The following FUBP1 variants were observed in gnomAD, a reference collection of about 807,000 sequenced individuals.
FUBP1 encodes far upstream element binding protein 1.
A neutral mutation model predicts 94.9 loss-of-function variants in FUBP1; 16 were observed. The observed-to-expected ratio is 0.17, with a 90% CI of 0.11 to 0.26. FUBP1 has a LOEUF of 0.26. Ranked by LOEUF, FUBP1 falls within the 10% of genes least tolerant of loss-of-function variation. FUBP1 has a pLI of 1.00. For missense variants in FUBP1, 583 were observed against 808.6 expected (o/e 0.72, Z 3.38); for synonymous variants, 279 against 254.9 (o/e 1.09, Z -0.90).
chr1:77,959,961 A>T (rs1198687822), intron 16 of FUBP1, among the ~76,000 whole-genome samples: 1 of 152,230 alleles, frequency 6.6e-6, no homozygotes, highest in Non-Finnish European at 1.5e-5. Flanking sequence ...ATTCTACTGT[A>T]TCAACTCATA....
chr1:77,962,859 T>C lies in FUBP1; in HGVS notation c.1255A>G (p.Asn419Asp). ...RIELQRNPPP[N>D]ADPNMKLFTI... ...AATAACTTCATATTAGGATCTGCAT[T>C]TGGTGGAGGATTTCTCTGAAGTTCT... Residue 419 changes from asparagine (N) to aspartate (D), a missense_variant, in exon 14 of 20, where the codon AAT becomes GAT. Transcript: ENST00000370768. The C allele has an allele frequency of 6.2e-7, 1 of 1,612,114 alleles. No individual in the cohort carries two copies. Among genetic ancestry groups the C allele is most frequent in the Non-Finnish European group, 8.5e-7 (1 of 1,178,182 alleles).
rs1004626505 is a variant in FUBP1, at chr1:77,945,751, A to G, written c.*3015T>C. 2.7e-4 allele frequency: 58 copies of G among 213,418 alleles called. No individual in the cohort carries two copies. The highest frequency in any genetic ancestry group is 1.2e-3 in the African/African-American group (53 of 44,452). The allele number at this position is 213,418 out of a possible 1,614,324, so 13.2% of individuals were successfully genotyped here. ...TTTAGAAATCGAATAAACAAAACTG[A>G]TAAGATGCTGCTTTCATACATTCAA... On this transcript the variant is annotated 3_prime_UTR_variant, in exon 20 of 20. Transcript: ENST00000370768.
At position 77,947,945 on chromosome 1, in the gene FUBP1, TG is replaced by T; in HGVS notation, c.*820del. The T allele has an allele frequency of 9.9e-7, 1 of 1,010,286 alleles. No individual in the cohort carries two copies. The highest frequency in any genetic ancestry group is 1.7e-5 in the African/African-American group (1 of 58,854). 62.6% of individuals were successfully genotyped at this position (1,010,286 alleles called of 1,614,324 possible). ...AGAGTTGCTTCACATGGAAAAAAAC[TG>T]TTCTTATTAGACTACTCATATTCAC... On this transcript the variant is annotated 3_prime_UTR_variant, in exon 20 of 20. Coordinates refer to ENST00000370768, the MANE Select transcript of FUBP1 (RefSeq NM_003902.5).
intron 1 of FUBP1, among the ~76,000 whole-genome samples, chr1:77,973,708 A>T (rs1045386970): frequency 6.6e-6 from 1 of 151,082 alleles, no homozygotes; most frequent in Non-Finnish European, 1.5e-5. Context: ...TTGGGAGTTG[A>T]AAAGAAACTT....
At position 77,948,340 on chromosome 1, in the gene FUBP1, T is replaced by C. The variant is rs1652620135; in HGVS notation, c.*426A>G. 1 of 1,053,908 alleles carries C rather than the reference T, an allele frequency of 9.5e-7. No individual in the cohort carries two copies. The highest frequency in any genetic ancestry group is 1.6e-5 in the African/African-American group (1 of 60,832). The allele number at this position is 1,053,908 out of a possible 1,614,324, so 65.3% of individuals were successfully genotyped here. A position where few individuals can be genotyped will look rare whatever the true frequency, so the allele number is the denominator to read the frequency against. ...CTTATATATTTGTGTATATGTATCT[T>C]AATTTATCATTGCTAAGAAATTATG... On this transcript the variant is annotated 3_prime_UTR_variant, in exon 20 of 20. Coordinates refer to ENST00000370768, the MANE Select transcript of FUBP1 (RefSeq NM_003902.5).
chr1:77,975,902 A>G (rs1374789098), intron 1 of FUBP1, among the ~76,000 whole-genome samples: 1 of 152,226 alleles, frequency 6.6e-6, no homozygotes, highest in African/African-American at 2.4e-5. Context: ...ATTGGCAACT[A>G]AATGACCAGA....
At chr1:77,974,143 T>G (rs1215493855) in intron 1 of FUBP1, among the ~76,000 whole-genome samples, 1 of 149,726 alleles carries the variant, frequency 6.7e-6, no homozygotes, top group Non-Finnish European at 1.5e-5. Context: ...GGTTTTTTTT[T>G]TTTTTTTTTT....
chr1:77,949,382 C>T, intron 18 of FUBP1, 82 bp from the exon 19 acceptor site: 1 of 1,101,950 alleles, frequency 9.1e-7, no homozygotes, highest in Non-Finnish European at 1.3e-6. Context: ...TACCTTGCTT[C>T]TTGTAATATT....
intron 18 of FUBP1, among the ~76,000 whole-genome samples, chr1:77,954,680 T>G (rs1007282096): frequency 6.6e-6 from 1 of 152,210 alleles, no homozygotes; most frequent in East Asian, 1.9e-4. Flanking sequence ...CAATTTAGCT[T>G]TCATTTGTGA....
chr1:77,949,228 T>C lies in FUBP1; in HGVS notation c.1853A>G (p.Tyr618Cys). Residue 618 changes from tyrosine to cysteine, a missense_variant, in exon 19 of 20, where the codon TAT (tyrosine) becomes TGT (cysteine). Tyr to Cys is a radical substitution (Grantham distance 194, BLOSUM62 -2). Coordinates refer to ENST00000370768, the MANE Select transcript of FUBP1 (RefSeq NM_003902.5). ...QPDYSAAWAE[Y>C]YRQQAAYYAQ... is the part of the protein sequence containing the mutation. ...ATAATAGGCTGCTTGTTGTCTATAATACTCAGCCCAGGCTGCACTATAATC... is the reference window on the plus strand; with the variant it reads ...ATAATAGGCTGCTTGTTGTCTATAACACTCAGCCCAGGCTGCACTATAATC... 6.2e-7 allele frequency: 1 copy of C among 1,613,430 alleles called. No individual in the cohort carries two copies. The highest frequency in any genetic ancestry group is 8.5e-7 in the Non-Finnish European group (1 of 1,179,414).
chr1:77,966,992 A>G, intron 5 of FUBP1, 37 bp from the exon 6 acceptor site: 1 of 1,549,926 alleles, frequency 6.5e-7, no homozygotes, highest in Non-Finnish European at 8.9e-7. Flanking sequence ...TTTGGTTGAA[A>G]GATTCTAAAG....
At chr1:77,975,363 T>TA (rs902707487) in intron 1 of FUBP1, among the ~76,000 whole-genome samples, 3 of 151,442 alleles carry the variant, frequency 2.0e-5, no homozygotes, top group African/African-American at 7.3e-5. Flanking sequence ...CAAAATGATT[T>TA]AAAAAAAGAA....
chr1:77,959,513 GTT>G (rs1491196159), intron 16 of FUBP1, among the ~76,000 whole-genome samples: 1 of 151,664 alleles, frequency 6.6e-6, no homozygotes, highest in Non-Finnish European at 1.5e-5. Context: ...CTGTTGGACT[GTT>G]ATATATATAT....
chr1:77,971,047 AAAAAAAT>A (rs888834386), intron 1 of FUBP1, among the ~76,000 whole-genome samples: 4 of 151,796 alleles, frequency 2.6e-5, no homozygotes, highest in African/African-American at 4.9e-5. Context: ...AAACAAAACA[AAAAAAAT>A]AAAAAACAAA....
chr1:77,975,427 A>C (rs192377431), intron 1 of FUBP1, among the ~76,000 whole-genome samples: 4 of 152,256 alleles, frequency 2.6e-5, no homozygotes, highest in Admixed American at 1.3e-4. Flanking sequence ...AAAAAAAAAA[A>C]CAGCTCTAGT....
intron 9 of FUBP1, 59 bp downstream of exon 9, chr1:77,964,811 T>G: frequency 6.7e-7 from 1 of 1,485,180 alleles, no homozygotes; most frequent in Non-Finnish European, 9.4e-7. Context: ...TATTCATGCA[T>G]ATTTTGCCCA....
At position 77,945,484 on chromosome 1, in the gene FUBP1, A is replaced by C. The variant is rs1303825451; in HGVS notation, c.*3282T>G. ...TATGGGAATACATTTCATATTTCTC[A>C]ATTATGATTTGCCAATTTTACCTTC... On this transcript the variant is annotated 3_prime_UTR_variant, in exon 20 of 20. Coordinates refer to ENST00000370768, the MANE Select transcript of FUBP1 (RefSeq NM_003902.5). 1.9e-5 allele frequency: 4 copies of C among 209,802 alleles called. No homozygotes were observed. The highest frequency in any genetic ancestry group is 1.9e-4 in the South Asian group (1 of 5,348). 13.0% of individuals were successfully genotyped at this position (209,802 alleles called of 1,614,324 possible).
intron 7 of FUBP1, among the ~76,000 whole-genome samples, chr1:77,965,542 GATTT>G (rs1445925725): frequency 1.1e-4 from 16 of 152,102 alleles, no homozygotes; most frequent in Admixed American, 2.0e-4. Context: ...AGAACTAAAT[GATTT>G]ATTTACATTT....
At chr1:77,965,318 C>T (rs763614238) in intron 7 of FUBP1, 87 bp from the exon 8 acceptor site, 29 of 802,846 alleles carry the variant, frequency 3.6e-5, no homozygotes, top group Non-Finnish European at 5.5e-5. Context: ...TAACCAAGTA[C>T]TCCTCCTATC....
Sources: allele counts gnomAD v4.1 joint callset (sites outside exome capture counted in the v4.1 genomes callset), GRCh38; gene constraint gnomAD v4.1.1; transcripts MANE v1.5; gene names NCBI Gene and HGNC (gene_info 2026-07-23, HGNC 2026-07-21).